GRAMD1B: variants seen among roughly 807,000 people sequenced by gnomAD.
GRAMD1B encodes the protein GRAM domain containing 1B.
GRAMD1B carries 37 observed loss-of-function variants against 99.7 expected under a neutral mutation model. That is an observed-to-expected ratio of 0.37 (90% confidence interval 0.29 to 0.49). The LOEUF (loss-of-function observed/expected upper bound fraction) is 0.49, where lower values mean the gene tolerates loss of function less well. Among genes scored for constraint, GRAMD1B ranks in the 20% least tolerant of loss-of-function variants. The probability of loss-of-function intolerance (pLI) is 0.98; values close to 1 mark genes in which losing one functional copy is unlikely to be tolerated. For missense variants in GRAMD1B, 888 were observed against 1,009.2 expected (o/e 0.88, Z 1.63); for synonymous variants, 427 against 387.6 (o/e 1.10, Z -1.19).
intron 2 of GRAMD1B, among the ~76,000 whole-genome samples, chr11:123,544,844 G>A (rs979831200): frequency 3.9e-5 from 6 of 152,250 alleles, no homozygotes; most frequent in African/African-American, 1.4e-4. Flanking sequence ...TAGAGAGGAC[G>A]TCCTTAAAGG....
intron 2 of GRAMD1B, among the ~76,000 whole-genome samples, chr11:123,566,724 C>T (rs1315863838): frequency 2.6e-5 from 4 of 151,920 alleles, no homozygotes; most frequent in African/African-American, 9.7e-5. Flanking sequence ...CGAGATCGTG[C>T]CACTGCACTC....
At chr11:123,496,042 T>C (rs1939213347) in intron 2 of GRAMD1B, among the ~76,000 whole-genome samples, 1 of 152,174 alleles carries the variant, frequency 6.6e-6, no homozygotes, top group Non-Finnish European at 1.5e-5. Context: ...TGTGTACTAT[T>C]ACATGTGAGT....
At chr11:123,535,021 C>CTACTTA (rs1299480093) in intron 2 of GRAMD1B, among the ~76,000 whole-genome samples, 1 of 152,112 alleles carries the variant, frequency 6.6e-6, no homozygotes, top group Non-Finnish European at 1.5e-5. Flanking sequence ...AGTGGCAAAA[C>CTACTTA]AGGGCTCACC....
intron 2 of GRAMD1B, among the ~76,000 whole-genome samples, chr11:123,544,056 G>A (rs1023227157): frequency 3.9e-5 from 6 of 152,134 alleles, no homozygotes; most frequent in African/African-American, 1.2e-4. Flanking sequence ...GCACCAGCCC[G>A]TGCAATTTTC....
At chr11:123,608,392 G>A in intron 11 of GRAMD1B, 1 of 1,031,172 alleles carries the variant, frequency 9.7e-7, no homozygotes, top group African/African-American at 1.6e-5. Flanking sequence ...AAGTGTAAAA[G>A]CAAATCGTAC....
At chr11:123,495,495 T>C (rs1939138109) in intron 2 of GRAMD1B, among the ~76,000 whole-genome samples, 1 of 152,150 alleles carries the variant, frequency 6.6e-6, no homozygotes, top group Admixed American at 6.6e-5. Flanking sequence ...TGCTATCAAA[T>C]ACTAGGTCGC....
intron 1 of GRAMD1B, among the ~76,000 whole-genome samples, chr11:123,419,857 G>A (rs1948368361): frequency 6.6e-6 from 1 of 152,076 alleles, no homozygotes; most frequent in South Asian, 2.1e-4. Flanking sequence ...GGGCCAATGA[G>A]TGCTGACTGG....
At chr11:123,369,875 C>T (rs957945309) in intron 1 of GRAMD1B, among the ~76,000 whole-genome samples, 22 of 149,768 alleles carry the variant, frequency 1.5e-4, no homozygotes, top group Middle Eastern at 3.6e-3. Context: ...AACAGTGAGA[C>T]CCTGTCTCAA....
chr11:123,470,015 TAAC>T (rs1950930468), intron 1 of GRAMD1B, among the ~76,000 whole-genome samples: 2 of 152,004 alleles, frequency 1.3e-5, no homozygotes, highest in African/African-American at 4.8e-5. Context: ...TGCGAGAAAA[TAAC>T]AAAGTATGGG....
At chr11:123,368,275 A>AAAAAAAAAAAAAAAAAGAAAG (rs60644137) in intron 1 of GRAMD1B, among the ~76,000 whole-genome samples, 2 of 127,110 alleles carry the variant, frequency 1.6e-5, no homozygotes, top group African/African-American at 7.3e-5. Context: ...AAAAAAAAAA[A>AAAAAAAAAAAAAAAAAGAAAG]AAAGAAAGAA....
At chr11:123,491,709 C>T (rs1302849807) in intron 2 of GRAMD1B, 2 of 393,860 alleles carry the variant, frequency 5.1e-6, no homozygotes, top group Non-Finnish European at 8.9e-6. Flanking sequence ...TTGAACCACA[C>T]GGAGGGGAGA....
intron 1 of GRAMD1B, among the ~76,000 whole-genome samples, chr11:123,451,102 A>G (rs1949868571): frequency 6.6e-6 from 1 of 152,222 alleles, no homozygotes; most frequent in African/African-American, 2.4e-5. Flanking sequence ...AAGGACACAA[A>G]TGAAAATGAT....
intron 4 of GRAMD1B, among the ~76,000 whole-genome samples, chr11:123,590,708 A>C (rs908243975): frequency 2.0e-5 from 3 of 152,194 alleles, no homozygotes; most frequent in African/African-American, 7.2e-5. Flanking sequence ...GGTTGAGAGC[A>C]GGCCCTGTTG....
chr11:123,419,558 G>A (rs186078347), intron 1 of GRAMD1B, among the ~76,000 whole-genome samples: 1 of 152,262 alleles, frequency 6.6e-6, no homozygotes, highest in East Asian at 1.9e-4. Flanking sequence ...CTGAGGCCAG[G>A]AGTTCGAGGC....
chr11:123,608,908 T>G, intron 12 of GRAMD1B, 106 bp downstream of exon 12: 5 of 828,514 alleles, frequency 6.0e-6, no homozygotes, highest in Non-Finnish European at 9.5e-6. Flanking sequence ...CCACACACCC[T>G]CCTTCCCTCG....
intron 1 of GRAMD1B, among the ~76,000 whole-genome samples, chr11:123,436,134 G>T (rs1191355971): frequency 1.3e-5 from 2 of 151,840 alleles, no homozygotes; most frequent in Non-Finnish European, 2.9e-5. Flanking sequence ...GTAGAGACAG[G>T]GTTTCACCAT....
chr11:123,377,868 C>T (rs892097582), intron 1 of GRAMD1B, among the ~76,000 whole-genome samples: 1 of 152,336 alleles, frequency 6.6e-6, no homozygotes, highest in East Asian at 1.9e-4. Context: ...CGCCTTCCAC[C>T]ACCATGCGCT....
chr11:123,449,491 T>A (rs1442776899), intron 1 of GRAMD1B, among the ~76,000 whole-genome samples: 1 of 152,218 alleles, frequency 6.6e-6, no homozygotes, highest in South Asian at 2.1e-4. Flanking sequence ...TGTACTATTA[T>A]GTATTGGCTT....
At chr11:123,398,848 T>A (rs1471574890) in intron 1 of GRAMD1B, among the ~76,000 whole-genome samples, 3 of 152,134 alleles carry the variant, frequency 2.0e-5, no homozygotes, top group East Asian at 3.8e-4. Context: ...ATCTGTGAAA[T>A]CATCATCACA....
Sources: gnomAD v4.1 joint callset for allele counts (sites outside exome capture counted in the v4.1 genomes callset) on GRCh38, gnomAD v4.1.1 for gene constraint, MANE v1.5 for transcripts, NCBI Gene and HGNC (gene_info 2026-07-23, HGNC 2026-07-21) for gene names.